The following PEG3 variants were observed in gnomAD, a reference collection of about 807,000 sequenced individuals.
PEG3 encodes paternally expressed 3, also known as paternally-expressed gene 3 protein.
PEG3 carries 23 observed loss-of-function variants against 35.5 expected under a neutral mutation model. The observed-to-expected ratio is 0.65, with a 90% confidence interval of 0.47 to 0.92. PEG3 has a LOEUF of 0.92. Ranked by LOEUF, PEG3 falls within the 40% of genes least tolerant of loss-of-function variation. The pLI is 0.00. For synonymous variants in PEG3, 707 were observed against 697.0 expected (o/e 1.01, Z -0.23); for missense variants, 1,960 against 1,985.3 (o/e 0.99, Z 0.24).
rs1275631727 is a variant in PEG3, at chr19:56,812,101, C to T, written c.*1574G>A. On this transcript the variant is annotated 3_prime_UTR_variant, in exon 10 of 10. Transcript: ENST00000326441. ...TGCTTGTTCAAATGATCTACACTTA[C>T]ATTTTGCAAATCTTTTTTTTTAAAT... The T allele has an allele frequency of 3.5e-5, 34 of 976,506 alleles. No homozygotes were observed. Among genetic ancestry groups the T allele is most frequent in the Non-Finnish European group, 4.0e-5 (33 of 821,924 alleles). The allele number at this position is 976,506 out of a possible 1,614,324, so 60.5% of individuals were successfully genotyped here.
At position 56,810,473 on chromosome 19, in the gene PEG3, G is replaced by A. The variant is rs774612372; in HGVS notation, c.*3202C>T. 18 of 984,806 alleles carry A rather than the reference G, an allele frequency of 1.8e-5. No individual in the cohort carries two copies. Among genetic ancestry groups the A allele is most frequent in the Non-Finnish European group, 2.0e-5 (17 of 829,400 alleles). 61.0% of individuals were successfully genotyped at this position (984,806 alleles called of 1,614,324 possible). A position where few individuals can be genotyped will look rare whatever the true frequency, so the allele number is the denominator to read the frequency against. On this transcript the variant is annotated 3_prime_UTR_variant, in exon 10 of 10. Coordinates refer to ENST00000326441, the MANE Select transcript of PEG3 (RefSeq NM_006210.3). Reference sequence around the variant, plus strand: ...CTAACACCCTAATAATCACAGACTAGTGCACAGATCAAGATGTTAACAGTT... The same window carrying A: ...CTAACACCCTAATAATCACAGACTAATGCACAGATCAAGATGTTAACAGTT...
Position 56,816,293 on chromosome 19 carries a change from C to G in PEG3, c.2149G>C (p.Gly717Arg). Residue 717 changes from glycine (G) to arginine (R), a missense_variant, in exon 10 of 10, where the codon GGG becomes CGG. Transcript: ENST00000326441. ...CTATGAATGACAGATTTCTCATACC[C>G]TCTGCCTTCAAAGAGGTTCTTTCGA... ...HSRKNLFEGR[G>R]YEKSVIHSGP... 1 of 1,614,050 alleles carries G rather than the reference C, an allele frequency of 6.2e-7. No homozygotes were observed.
chr19:56,834,905 A>T (rs193234325), intron 2 of PEG3, among the ~76,000 whole-genome samples: 1 of 152,178 alleles, frequency 6.6e-6, no homozygotes, highest in South Asian at 2.1e-4. Flanking sequence ...GCCTGGCATG[A>T]TCCTGTCCTG....
At chr19:56,822,490 C>T in intron 6 of PEG3, 1 of 355,318 alleles carries the variant, frequency 2.8e-6, no homozygotes, top group Non-Finnish European at 4.7e-6. Flanking sequence ...CATACAGAAA[C>T]TTCCAGTTTT....
rs138326745 is a variant in PEG3 at position 56,815,752 on chromosome 19, T to C, written c.2690A>G (p.Gln897Arg). 6.2e-7 allele frequency: 1 copy of C among 1,614,038 alleles called. No individual in the cohort carries two copies. The highest frequency in any genetic ancestry group is 1.3e-5 in the African/African-American group (1 of 74,946). The change falls in exon 10 of 10, where the codon CAG (glutamine) becomes CGG (arginine). Residue 897 changes from glutamine (Q) to arginine (R), a missense_variant. This residue lies in a region of PEG3 where 798 missense variants were observed against 782.4 expected (regional missense o/e 1.02). Transcript: ENST00000326441. ...KNRNYEDSVI[Q>R]SVFRAKPQKS... The stretch of plus-strand genomic sequence containing the variant: ...CTGAGGTTTGGCACGGAATACACTC[T>C]GTATGACAGAGTCTTCATAGTTGCG...
At chr19:56,821,553 C>T in intron 7 of PEG3, 98 bp downstream of exon 7, 1 of 1,458,510 alleles carries the variant, frequency 6.9e-7, no homozygotes. Flanking sequence ...CCCAGCTGGA[C>T]TCTAGGGGGC....
Position 56,824,730 on chromosome 19 carries a change from G to A in PEG3, c.-75C>T. The A allele has an allele frequency of 7.2e-7, 1 of 1,388,990 alleles. No individual in the cohort carries two copies. The allele number at this position is 1,388,990 out of a possible 1,614,324, so 86.0% of individuals were successfully genotyped here. On this transcript the variant is annotated 5_prime_UTR_variant, in exon 4 of 10. Coordinates refer to ENST00000326441, the MANE Select transcript of PEG3 (RefSeq NM_006210.3). Reference sequence around the variant, plus strand: ...AAGACGCGGCAGCCTGTGACCGTCAGTACTCAGGGACCTGTGGATCGTAAG... The same window carrying A: ...AAGACGCGGCAGCCTGTGACCGTCAATACTCAGGGACCTGTGGATCGTAAG...
Position 56,812,113 on chromosome 19 carries a change from C to T in PEG3, c.*1562G>A, listed in dbSNP as rs994549830. On this transcript the variant is annotated 3_prime_UTR_variant, in exon 10 of 10. Coordinates refer to ENST00000326441, the MANE Select transcript of PEG3 (RefSeq NM_006210.3). Reference sequence around the variant, plus strand: ...TGATCTACACTTACATTTTGCAAATCTTTTTTTTTAAATTTTTTAAATTTT... The same window carrying T: ...TGATCTACACTTACATTTTGCAAATTTTTTTTTTTAAATTTTTTAAATTTT... The T allele has an allele frequency of 1.0e-5, 10 of 969,000 alleles. No individual in the cohort carries two copies. The African/African-American group carries it at 1.8e-4, about 17-fold the overall frequency. 60.0% of individuals were successfully genotyped at this position (969,000 alleles called of 1,614,324 possible). A position where few individuals can be genotyped will look rare whatever the true frequency, so the allele number is the denominator to read the frequency against.
intron 7 of PEG3, among the ~76,000 whole-genome samples, chr19:56,819,464 AG>A (rs1336210924): frequency 1.3e-5 from 2 of 152,210 alleles, no homozygotes; most frequent in Non-Finnish European, 2.9e-5. Context: ...TTATTGCCAG[AG>A]GGCTGACTAG....
At chr19:56,837,532 G>A (rs2062299116) in intron 1 of PEG3, among the ~76,000 whole-genome samples, 1 of 152,222 alleles carries the variant, frequency 6.6e-6, no homozygotes, top group Non-Finnish European at 1.5e-5. Context: ...AGGCTGCACA[G>A]CTGAACCCGC....
rs754081320 is a variant in PEG3, at chr19:56,823,667, CTGT to C, written c.404_406del (p.Asn135del). 8 of 1,614,050 alleles carry C rather than the reference CTGT, an allele frequency of 5.0e-6. No homozygotes were observed. The highest frequency in any genetic ancestry group is 4.0e-5 in the African/African-American group (3 of 74,906). The stretch of plus-strand genomic sequence containing the variant: ...CATGTCGTCGTCGCTGGTCACGTCA[CTGT>C]TGTTGTCGTCTAAGAGGACACCGGT... On this transcript the variant is annotated inframe_deletion, in exon 5 of 10. Transcript: ENST00000326441.
intron 7 of PEG3, among the ~76,000 whole-genome samples, chr19:56,820,828 C>T (rs771284916): frequency 3.0e-4 from 46 of 152,336 alleles, no homozygotes; most frequent in Non-Finnish European, 6.2e-4. Flanking sequence ...CACTGCTGTG[C>T]CCCCCAGGGC....
chr19:56,820,804 C>T (rs2146285866), intron 7 of PEG3, among the ~76,000 whole-genome samples: 1 of 152,342 alleles, frequency 6.6e-6, no homozygotes, highest in Admixed American at 6.5e-5. Flanking sequence ...GGCAGGGCCC[C>T]TCTCTGTGTT....
chr19:56,824,763 A>G (rs2060858646), intron 3 of PEG3, 22 bp from the exon 4 acceptor site: 1 of 1,073,254 alleles, frequency 9.3e-7, no homozygotes, highest in African/African-American at 1.6e-5. Flanking sequence ...AAGGAGATAT[A>G]CACATGTCCC....
chr19:56,824,911 C>G (rs889637426), intron 3 of PEG3, 170 bp from the exon 4 acceptor site: 5 of 434,552 alleles, frequency 1.2e-5, no homozygotes, highest in African/African-American at 1.9e-5. Flanking sequence ...AGCATGACCT[C>G]TGGGCTTCAC....
Position 56,816,769 on chromosome 19 carries a change from C to T in PEG3, c.1673G>A (p.Gly558Asp). Reference protein sequence around the residue: ...PTFSELQKIYGKDKFYECRVC... With the variant: ...PTFSELQKIYDKDKFYECRVC... ...CCTGCACTCGTAGAATTTGTCTTTGCCATATATTTTCTGAAGCTCACTAAA... is the reference window on the plus strand; with the variant it reads ...CCTGCACTCGTAGAATTTGTCTTTGTCATATATTTTCTGAAGCTCACTAAA... The change falls in exon 10 of 10, where the codon GGC becomes GAC. Residue 558 changes from glycine (G) to aspartate (D), a missense_variant. Coordinates refer to ENST00000326441, the MANE Select transcript of PEG3 (RefSeq NM_006210.3). 2 of 1,614,054 alleles carry T rather than the reference C, an allele frequency of 1.2e-6. No homozygotes were observed. The highest frequency in any genetic ancestry group is 4.5e-5 in the East Asian group (2 of 44,858).
intron 2 of PEG3, among the ~76,000 whole-genome samples, chr19:56,832,958 T>C (rs2061717046): frequency 6.6e-6 from 1 of 152,220 alleles, no homozygotes. Flanking sequence ...AAAGCATGGC[T>C]CTTACAATTA....
At chr19:56,832,206 A>T (rs1407502986) in intron 2 of PEG3, among the ~76,000 whole-genome samples, 1 of 152,242 alleles carries the variant, frequency 6.6e-6, no homozygotes, top group Non-Finnish European at 1.5e-5. Context: ...AAATGCAATT[A>T]CTGTTTCCTA....
chr19:56,826,035 C>T (rs2060995944), intron 3 of PEG3, among the ~76,000 whole-genome samples: 1 of 152,158 alleles, frequency 6.6e-6, no homozygotes, highest in African/African-American at 2.4e-5. Flanking sequence ...GCAAATGCCT[C>T]GATCCTGAAG....
Sources: gnomAD v4.1 joint callset for allele counts (sites outside exome capture counted in the v4.1 genomes callset) on GRCh38, gnomAD v4.1.1 for gene constraint, gnomAD v4.1.1 regional missense constraint, MANE v1.5 for transcripts, NCBI Gene and HGNC (gene_info 2026-07-23, HGNC 2026-07-21) for gene names.